The following GALNTL6 variants were observed in gnomAD, a reference collection of about 807,000 sequenced individuals.
The protein encoded by GALNTL6 is polypeptide N-acetylgalactosaminyltransferase like 6.
In GALNTL6, 46 loss-of-function variants were observed where a neutral mutation model predicts 73.7. That is an observed-to-expected ratio of 0.62 (90% confidence interval 0.49 to 0.80). The LOEUF is 0.80. Ranked by LOEUF, GALNTL6 falls within the 30% of genes least tolerant of loss-of-function variation. GALNTL6 has a pLI of 0.00. For missense variants in GALNTL6, 604 were observed against 755.0 expected (o/e 0.80, Z 2.34); for synonymous variants, 259 against 263.7 (o/e 0.98, Z 0.17).
At chr4:171,984,378 G>A (rs576721074) in intron 2 of GALNTL6, among the ~76,000 whole-genome samples, 5 of 152,290 alleles carry the variant, frequency 3.3e-5, no homozygotes, top group South Asian at 4.1e-4. Context: ...CTTTTAAAAG[G>A]CATGAGAGGA....
At chr4:172,845,229 A>G (rs537677180) in intron 7 of GALNTL6, among the ~76,000 whole-genome samples, 4,316 of 147,624 alleles carry the variant, frequency 0.029, 165 homozygotes, top group African/African-American at 0.094. Flanking sequence ...AAAAAAAAAA[A>G]AAAAAGAAAA....
At chr4:172,633,023 G>T (rs1447890483) in intron 5 of GALNTL6, among the ~76,000 whole-genome samples, 1 of 152,236 alleles carries the variant, frequency 6.6e-6, no homozygotes, top group Non-Finnish European at 1.5e-5. Flanking sequence ...TTCATAGGAT[G>T]CGTGGAAATG....
intron 7 of GALNTL6, among the ~76,000 whole-genome samples, chr4:172,845,226 A>AAAAAG (rs1159624506): frequency 1.3e-5 from 2 of 148,150 alleles, no homozygotes; most frequent in African/African-American, 5.3e-5. Context: ...CAAAAAAAAA[A>AAAAAG]AAAAAAAAGA....
intron 7 of GALNTL6, among the ~76,000 whole-genome samples, chr4:172,837,623 C>A (rs1742982132): frequency 6.6e-6 from 1 of 152,150 alleles, no homozygotes; most frequent in Admixed American, 6.5e-5. Context: ...CCTCCATTTT[C>A]AGCTTAGTGG....
At chr4:171,936,601 T>C (rs1302491572) in intron 2 of GALNTL6, among the ~76,000 whole-genome samples, 1 of 152,104 alleles carries the variant, frequency 6.6e-6, no homozygotes, top group Non-Finnish European at 1.5e-5. Flanking sequence ...TGCCTGCAAG[T>C]TAACAGTACC....
chr4:171,965,449 G>A (rs541629055), intron 2 of GALNTL6, among the ~76,000 whole-genome samples: 1 of 152,030 alleles, frequency 6.6e-6, no homozygotes. Flanking sequence ...AAGGTCAGGA[G>A]ATCGAGACCA....
chr4:171,937,537 T>C (rs1040983400), intron 2 of GALNTL6, among the ~76,000 whole-genome samples: 27 of 151,090 alleles, frequency 1.8e-4, no homozygotes, highest in African/African-American at 6.7e-4. Flanking sequence ...TTTTCCCTTA[T>C]GTTTCTAGGC....
chr4:171,893,189 C>T (rs1376565883), intron 2 of GALNTL6, among the ~76,000 whole-genome samples: 2 of 152,184 alleles, frequency 1.3e-5, no homozygotes, highest in Non-Finnish European at 2.9e-5. Flanking sequence ...TCAAAGACGG[C>T]AGACTGCTTC....
At position 172,947,578 on chromosome 4, in the gene GALNTL6, A is replaced by G. The variant is rs536327912; in HGVS notation, c.1150-4459A>G. 1.5e-4 allele frequency among the ~76,000 whole-genome samples: 12 copies of G among 82,726 alleles called. No homozygotes were observed. The East Asian group carries it at 5.3e-3, about 37-fold the overall frequency. The allele number at this position is 82,726 out of a possible 152,430, so 54.3% of individuals were successfully genotyped here. A position where few individuals can be genotyped will look rare whatever the true frequency, so the allele number is the denominator to read the frequency against. On this transcript the variant is annotated intron_variant, in intron 9 of 12. Coordinates refer to ENST00000506823, the MANE Select transcript of GALNTL6 (RefSeq NM_001034845.3). ...ATGCTTGACTCTTTCTTTCCCCTTG[A>G]TAAATTTTTTTTTTTTTTGGACATC...
At chr4:172,820,186 G>C (rs1488437860) in intron 7 of GALNTL6, among the ~76,000 whole-genome samples, 1 of 152,176 alleles carries the variant, frequency 6.6e-6, no homozygotes, top group Admixed American at 6.5e-5. Flanking sequence ...AGGAAGAGGG[G>C]CTCCTTCTCC....
intron 5 of GALNTL6, among the ~76,000 whole-genome samples, chr4:172,672,024 A>G (rs900489321): frequency 3.3e-5 from 5 of 152,042 alleles, no homozygotes; most frequent in African/African-American, 1.2e-4. Flanking sequence ...CTGAGTAGCT[A>G]GGAATAAAGA....
intron 3 of GALNTL6, among the ~76,000 whole-genome samples, chr4:172,292,103 CAT>C (rs1335888533): frequency 6.6e-6 from 1 of 152,082 alleles, no homozygotes; most frequent in Non-Finnish European, 1.5e-5. Context: ...CTTTCATAAA[CAT>C]GTATTGTGTA....
chr4:172,190,685 A>C (rs1288848668), intron 2 of GALNTL6, among the ~76,000 whole-genome samples: 1 of 152,238 alleles, frequency 6.6e-6, no homozygotes, highest in Non-Finnish European at 1.5e-5. Context: ...CTCAAAGGCC[A>C]GGTTAATAAG....
chr4:172,392,718 G>T (rs183578817), intron 5 of GALNTL6, among the ~76,000 whole-genome samples: 4 of 152,260 alleles, frequency 2.6e-5, no homozygotes, highest in Non-Finnish European at 5.9e-5. Context: ...AATTGTCCTG[G>T]CTCTGGTGCC....
intron 5 of GALNTL6, among the ~76,000 whole-genome samples, chr4:172,744,723 T>C (rs1364825867): frequency 6.6e-6 from 1 of 152,100 alleles, no homozygotes; most frequent in Non-Finnish European, 1.5e-5. Context: ...GAAAGACTTA[T>C]CTCTCAGTTG....
At chr4:171,999,389 G>A (rs574407251) in intron 2 of GALNTL6, among the ~76,000 whole-genome samples, 5 of 152,266 alleles carry the variant, frequency 3.3e-5, no homozygotes, top group African/African-American at 1.2e-4. Context: ...CTGTAAATGT[G>A]TGCTATTTCC....
At chr4:172,126,007 A>G (rs1733283691) in intron 2 of GALNTL6, among the ~76,000 whole-genome samples, 1 of 152,112 alleles carries the variant, frequency 6.6e-6, no homozygotes, top group Non-Finnish European at 1.5e-5. Flanking sequence ...ACAGTATTAT[A>G]TATACACATT....
intron 8 of GALNTL6, among the ~76,000 whole-genome samples, chr4:172,892,170 T>G (rs539279073): frequency 6.6e-6 from 1 of 152,322 alleles, no homozygotes; most frequent in South Asian, 2.1e-4. Context: ...GTGGTTAGGA[T>G]CCATTGCTGG....
At chr4:172,790,325 GC>G (rs1739922586) in intron 5 of GALNTL6, among the ~76,000 whole-genome samples, 1 of 152,176 alleles carries the variant, frequency 6.6e-6, no homozygotes, top group Non-Finnish European at 1.5e-5. Context: ...GGAGATTGGG[GC>G]ATTAAGAATG....
Sources: allele counts gnomAD v4.1 joint callset (sites outside exome capture counted in the v4.1 genomes callset), GRCh38; gene constraint gnomAD v4.1.1; transcripts MANE v1.5; gene names NCBI Gene and HGNC (gene_info 2026-07-23, HGNC 2026-07-21).